Variants in GABRB1 observed in about 807,000 individuals in gnomAD.
The protein encoded by GABRB1 is gamma-aminobutyric acid type A receptor subunit beta1, also known as gamma-aminobutyric acid receptor subunit beta-1.
In GABRB1, 17 loss-of-function variants were observed where a neutral mutation model predicts 51.6. The observed-to-expected ratio is 0.33, with a 90% CI of 0.23 to 0.49. The LOEUF (loss-of-function observed/expected upper bound fraction) is 0.49, where lower values mean the gene tolerates loss of function less well. GABRB1 is among the 20% of genes least tolerant of loss of function. GABRB1 has a pLI of 0.99. For missense variants in GABRB1, 410 were observed against 600.6 expected, an observed-to-expected ratio of 0.68 and a Z score of 3.32; for synonymous variants, 247 against 218.9, an observed-to-expected ratio of 1.13 and a Z score of -1.14.
intron 5 of GABRB1, among the ~76,000 whole-genome samples, chr4:47,337,828 A>AG: frequency 6.6e-6 from 1 of 151,738 alleles, no homozygotes; most frequent in East Asian, 1.9e-4. Flanking sequence ...AAAAAAAAAA[A>AG]AAAAAGATAG....
intron 5 of GABRB1, among the ~76,000 whole-genome samples, chr4:47,338,710 T>C (rs1168431190): frequency 1.3e-5 from 2 of 152,210 alleles, no homozygotes; most frequent in Non-Finnish European, 2.9e-5. Context: ...CGAAGCACCA[T>C]GCAGATGATT....
chr4:47,417,216 G>A (rs913068313), intron 8 of GABRB1, among the ~76,000 whole-genome samples: 2 of 151,988 alleles, frequency 1.3e-5, no homozygotes, highest in African/African-American at 4.8e-5. Flanking sequence ...TACCTTCTCA[G>A]CAACATCTAA....
intron 3 of GABRB1, among the ~76,000 whole-genome samples, chr4:47,046,958 T>C (rs1292386354): frequency 2.6e-5 from 4 of 151,890 alleles, no homozygotes; most frequent in African/African-American, 9.7e-5. Flanking sequence ...CATGGACACA[T>C]AGAGCAGAAC....
At chr4:47,191,223 A>G (rs535616383) in intron 4 of GABRB1, among the ~76,000 whole-genome samples, 107 of 152,280 alleles carry the variant, frequency 7.0e-4, no homozygotes, top group African/African-American at 2.5e-3. Flanking sequence ...TTCTTCTTGC[A>G]GTTATTGCAA....
chr4:47,155,331 T>A (rs1717642382), intron 3 of GABRB1, among the ~76,000 whole-genome samples: 1 of 152,096 alleles, frequency 6.6e-6, no homozygotes, highest in South Asian at 2.1e-4. Context: ...CAGAGGCCTG[T>A]ACTTGGGACT....
intron 4 of GABRB1, among the ~76,000 whole-genome samples, chr4:47,189,949 C>T (rs1258508165): frequency 6.6e-6 from 1 of 151,952 alleles, no homozygotes; most frequent in Non-Finnish European, 1.5e-5. Context: ...TCACTAGTGT[C>T]CAGTGGCCCA....
intron 4 of GABRB1, among the ~76,000 whole-genome samples, chr4:47,229,593 A>G (rs1195647614): frequency 1.3e-5 from 2 of 152,204 alleles, no homozygotes; most frequent in Non-Finnish European, 2.9e-5. Flanking sequence ...ATATTACTTT[A>G]TACACCAAAA....
intron 5 of GABRB1, among the ~76,000 whole-genome samples, chr4:47,390,519 G>T (rs1727948743): frequency 6.6e-6 from 1 of 152,112 alleles, no homozygotes; most frequent in South Asian, 2.1e-4. Flanking sequence ...TTCTACAATT[G>T]TACTAACTCC....
chr4:47,342,585 T>G (rs1725941260), intron 5 of GABRB1, among the ~76,000 whole-genome samples: 1 of 152,186 alleles, frequency 6.6e-6, no homozygotes, highest in South Asian at 2.1e-4. Flanking sequence ...ATACAACTTA[T>G]GATTCAAATT....
At chr4:47,140,525 G>T (rs1299517105) in intron 3 of GABRB1, among the ~76,000 whole-genome samples, 1 of 152,058 alleles carries the variant, frequency 6.6e-6, no homozygotes, top group Middle Eastern at 3.4e-3. Context: ...TCTTGGCAAT[G>T]ATCACATTTG....
chr4:47,236,010 T>C (rs927899211), intron 4 of GABRB1, among the ~76,000 whole-genome samples: 1 of 152,100 alleles, frequency 6.6e-6, no homozygotes, highest in Non-Finnish European at 1.5e-5. Flanking sequence ...TTTTTTCTTA[T>C]AATGCTTTTT....
At chr4:47,014,982 C>T (rs1724702226) in intron 1 of GABRB1, among the ~76,000 whole-genome samples, 1 of 152,224 alleles carries the variant, frequency 6.6e-6, no homozygotes, top group Non-Finnish European at 1.5e-5. Flanking sequence ...TTTTGGCTCA[C>T]TGCAACCTCT....
chr4:47,320,035 C>A (rs973170684), intron 4 of GABRB1, 92 bp from the exon 5 acceptor site: 1 of 869,652 alleles, frequency 1.1e-6, no homozygotes, highest in Non-Finnish European at 1.9e-6. Flanking sequence ...TTGTTTCTGC[C>A]AACTGGTAAA....
intron 4 of GABRB1, among the ~76,000 whole-genome samples, chr4:47,170,614 C>T (rs1218719775): frequency 6.6e-6 from 1 of 151,986 alleles, no homozygotes; most frequent in Non-Finnish European, 1.5e-5. Context: ...GTGAGATATG[C>T]TAGGTAAAAA....
intron 5 of GABRB1, among the ~76,000 whole-genome samples, chr4:47,353,186 T>C (rs1215284352): frequency 6.6e-6 from 1 of 152,146 alleles, no homozygotes; most frequent in African/African-American, 2.4e-5. Context: ...TCCCACTGGA[T>C]CCCTCCCACA....
chr4:46,994,865 T>C (rs745357413), intron 1 of GABRB1, among the ~76,000 whole-genome samples: 2 of 152,180 alleles, frequency 1.3e-5, no homozygotes, highest in African/African-American at 2.4e-5. Context: ...AGTGGACGGG[T>C]ATGAAGAGGG....
At chr4:47,297,539 C>T (rs1364281424) in intron 4 of GABRB1, among the ~76,000 whole-genome samples, 3 of 152,036 alleles carry the variant, frequency 2.0e-5, no homozygotes, top group Non-Finnish European at 4.4e-5. Flanking sequence ...ACACATACAC[C>T]CTCCCAAGAC....
intron 4 of GABRB1, among the ~76,000 whole-genome samples, chr4:47,189,891 G>A (rs1019361078): frequency 2.0e-5 from 3 of 151,908 alleles, no homozygotes; most frequent in Non-Finnish European, 4.4e-5. Context: ...CCCAGGCTCT[G>A]TTGTACAACA....
rs144621088 is a variant in GABRB1 at position 47,247,669 on chromosome 4, C to T, written c.462-72458C>T. Among the ~76,000 whole-genome samples, 228 of 151,748 alleles carry T rather than the reference C, an allele frequency of 1.5e-3. 1 individual carries two copies. The highest frequency in any genetic ancestry group is 5.2e-3 in the African/African-American group (217 of 41,500). On this transcript the variant is annotated intron_variant, in intron 4 of 8. Transcript: ENST00000295454. ...CAACCATGAGCATGGGATGTGTTTC[C>T]GTTCGTGTCATCTATGATTTCCTTC...
Sources: gnomAD v4.1 joint callset for allele counts (sites outside exome capture counted in the v4.1 genomes callset) on GRCh38, gnomAD v4.1.1 for gene constraint, MANE v1.5 for transcripts, NCBI Gene and HGNC (gene_info 2026-07-23, HGNC 2026-07-21) for gene names.